DTNA: variants seen among roughly 807,000 people sequenced by gnomAD.
DTNA encodes the protein dystrophin-related protein 3.
A neutral mutation model predicts 100.7 loss-of-function variants in DTNA; 43 were observed. The ratio of observed to expected loss-of-function variants is 0.43; its 90% CI spans 0.33 to 0.55. DTNA has a LOEUF of 0.55. Ranked by LOEUF, DTNA falls within the 20% of genes least tolerant of loss-of-function variation. The pLI, the probability that DTNA is intolerant of heterozygous loss-of-function variation, is 0.04. For synonymous variants in DTNA, 349 were observed against 347.9 expected (o/e 1.00, Z -0.04); for missense variants, 798 against 953.9 (o/e 0.84, Z 2.15).
chr18:34,833,678 C>G (rs1023845935), intron 11 of DTNA, among the ~76,000 whole-genome samples: 3 of 151,938 alleles, frequency 2.0e-5, no homozygotes, highest in Non-Finnish European at 4.4e-5. Flanking sequence ...CATACAGTGG[C>G]AAGGGATTAG....
chr18:34,696,991 T>C (rs1465646498), intron 1 of DTNA, among the ~76,000 whole-genome samples: 1 of 152,192 alleles, frequency 6.6e-6, no homozygotes, highest in Non-Finnish European at 1.5e-5. Flanking sequence ...GAAGTGATAC[T>C]AGCATCTAGT....
rs55673388 is a variant in DTNA at position 34,860,220 on chromosome 18, GTTTTT to G, written c.1646+1847_1646+1851del. Among the ~76,000 whole-genome samples, 14 of 80,282 alleles carry G rather than the reference GTTTTT, an allele frequency of 1.7e-4. 1 individual carries two copies. In the South Asian group the frequency reaches 5.3e-3, roughly 31 times the overall value. The allele number at this position is 80,282 out of a possible 152,430, so 52.7% of individuals were successfully genotyped here. The stretch of plus-strand genomic sequence containing the variant: ...TGCCACCACGCCCGGCTAATTTTTT[GTTTTT>G]TTTTTTTTTTTTTTTTTTTTTTTTG... On this transcript the variant is annotated intron_variant, in intron 16 of 22. Transcript: ENST00000444659.
chr18:34,561,381 C>T lies in DTNA; in HGVS notation c.-2+67867C>T, dbSNP rs192991866. On this transcript the variant is annotated intron_variant, in intron 1 of 19. Transcript: ENST00000283365. Reference sequence around the variant, plus strand: ...TCACTACTCTCTCAGGATATTTTTTCATGTGTTTTAAAACACGTGCTGTAG... The same window carrying T: ...TCACTACTCTCTCAGGATATTTTTTTATGTGTTTTAAAACACGTGCTGTAG... Among the ~76,000 whole-genome samples the T allele has an allele frequency of 3.5e-3, 531 of 152,196 alleles. 4 individuals carry two copies. Among genetic ancestry groups the T allele is most frequent in the African/African-American group, 0.012 (500 of 41,538 alleles).
intron 1 of DTNA, among the ~76,000 whole-genome samples, chr18:34,688,421 G>A (rs1202229215): frequency 2.6e-5 from 4 of 152,166 alleles, no homozygotes; most frequent in Non-Finnish European, 5.9e-5. Flanking sequence ...GGCTAGATAT[G>A]AAATTCTGGG....
intron 1 of DTNA, among the ~76,000 whole-genome samples, chr18:34,661,743 G>A (rs895955451): frequency 3.3e-5 from 5 of 152,170 alleles, no homozygotes; most frequent in African/African-American, 4.8e-5. Context: ...CAAGATAGGA[G>A]AGGTGACAGA....
intron 1 of DTNA, among the ~76,000 whole-genome samples, chr18:34,495,881 CT>C (rs1251286222): frequency 6.6e-6 from 1 of 152,144 alleles, no homozygotes; most frequent in African/African-American, 2.4e-5. Flanking sequence ...TAGAGAATTA[CT>C]CTTCATTTGA....
intron 1 of DTNA, among the ~76,000 whole-genome samples, chr18:34,549,920 A>T (rs1316267080): frequency 6.6e-6 from 1 of 152,076 alleles, no homozygotes; most frequent in East Asian, 1.9e-4. Flanking sequence ...AAATTGAATG[A>T]ATTTGTCTTG....
chr18:34,851,274 G>A (rs1420907075), intron 14 of DTNA, among the ~76,000 whole-genome samples: 1 of 151,942 alleles, frequency 6.6e-6, no homozygotes, highest in African/African-American at 2.4e-5. Flanking sequence ...ACTAATTTTT[G>A]AATTTTTAGT....
At chr18:34,748,666 T>C (rs1585896) in intron 1 of DTNA, among the ~76,000 whole-genome samples, 151,571 of 152,316 alleles carry the variant, frequency 1, 75,422 homozygotes, top group Middle Eastern at 1. Context: ...GTGGGCTATG[T>C]GCTTATTTTT....
intron 1 of DTNA, among the ~76,000 whole-genome samples, chr18:34,605,284 T>TA (rs34176462): frequency 4.6e-5 from 7 of 152,218 alleles, no homozygotes; most frequent in Admixed American, 3.9e-4. Context: ...TCTATATTTG[T>TA]AAAAAAACAA....
At chr18:34,526,019 C>G (rs1022897398) in intron 1 of DTNA, among the ~76,000 whole-genome samples, 1 of 152,170 alleles carries the variant, frequency 6.6e-6, no homozygotes, top group African/African-American at 2.4e-5. Flanking sequence ...GAACTCACCA[C>G]TCTTTCGGAA....
chr18:34,533,191 T>G (rs891445948), intron 1 of DTNA, among the ~76,000 whole-genome samples: 1 of 151,420 alleles, frequency 6.6e-6, no homozygotes, highest in Non-Finnish European at 1.5e-5. Context: ...ACCAACATGG[T>G]AAAACCCTGT....
chr18:34,520,180 C>G (rs978495728), intron 1 of DTNA, among the ~76,000 whole-genome samples: 11 of 152,198 alleles, frequency 7.2e-5, no homozygotes, highest in Non-Finnish European at 1.2e-4. Flanking sequence ...TTCTGTCCTG[C>G]TCTCTTAACA....
intron 1 of DTNA, among the ~76,000 whole-genome samples, chr18:34,550,176 A>T (rs1168640603): frequency 1.3e-5 from 2 of 152,160 alleles, no homozygotes; most frequent in Admixed American, 1.3e-4. Context: ...CTAAAATTTC[A>T]TAGAAAGGAA....
chr18:34,699,790 T>G (rs1387390304), intron 1 of DTNA, among the ~76,000 whole-genome samples: 1 of 152,204 alleles, frequency 6.6e-6, no homozygotes, highest in Non-Finnish European at 1.5e-5. Context: ...ATATATTTCT[T>G]TTTGGTGAAA....
At chr18:34,509,287 G>C (rs183527147) in intron 1 of DTNA, among the ~76,000 whole-genome samples, 9 of 152,186 alleles carry the variant, frequency 5.9e-5, no homozygotes, top group African/African-American at 2.2e-4. Context: ...ATACTAATCA[G>C]ATGTCTTCTT....
chr18:34,517,670 G>A (rs1037460284), intron 1 of DTNA, among the ~76,000 whole-genome samples: 5 of 151,716 alleles, frequency 3.3e-5, no homozygotes, highest in Non-Finnish European at 7.4e-5. Flanking sequence ...TTTTATCATT[G>A]CAAAAATGTT....
In DTNA at chr18:34,541,750, C is replaced by T. The variant is rs1045653178; in HGVS notation, c.-2+48236C>T. 3.3e-5 allele frequency among the ~76,000 whole-genome samples: 5 copies of T among 151,782 alleles called. No homozygotes were observed. In the East Asian group the frequency reaches 5.8e-4, roughly 18 times the overall value. ...ACAGACACAGAGGAACAGTCTAGGA[C>T]GTATTAAATAGTGGGAGATAAAGTG... On this transcript the variant is annotated intron_variant, in intron 1 of 19. Coordinates refer to the DTNA transcript ENST00000283365.
At chr18:34,699,224 G>A (rs140556506) in intron 1 of DTNA, among the ~76,000 whole-genome samples, 4 of 151,996 alleles carry the variant, frequency 2.6e-5, no homozygotes, top group African/African-American at 7.2e-5. Flanking sequence ...TGTGATTATG[G>A]AGGCTGAGAA....
Sources: allele counts gnomAD v4.1 joint callset (sites outside exome capture counted in the v4.1 genomes callset), GRCh38; gene constraint gnomAD v4.1.1; transcripts MANE v1.5; gene names NCBI Gene and HGNC (gene_info 2026-07-23, HGNC 2026-07-21).